RBPJ: variants seen among roughly 807,000 people sequenced by gnomAD.
RBPJ encodes recombination signal binding protein for immunoglobulin kappa J region, also known as recombining binding protein suppressor of hairless.
Under a neutral mutation model 67.8 loss-of-function variants are expected in RBPJ, and 9 were observed. That is an observed-to-expected ratio of 0.13 (90% CI 0.08 to 0.23). The LOEUF (loss-of-function observed/expected upper bound fraction) is 0.23. RBPJ is among the 10% of genes least tolerant of loss of function. The probability of loss-of-function intolerance (pLI) is 1.00; values close to 1 mark genes in which losing one functional copy is unlikely to be tolerated. For synonymous variants in RBPJ, 198 were observed against 203.3 expected, an observed-to-expected ratio of 0.97 and a Z score of 0.22; for missense variants, 305 against 595.6, an observed-to-expected ratio of 0.51 and a Z score of 5.08.
chr4:26,188,594 T>C (rs1214373201), intron 1 of RBPJ, among the ~76,000 whole-genome samples: 2 of 152,248 alleles, frequency 1.3e-5, no homozygotes, highest in South Asian at 2.1e-4. Context: ...TGCTTTTACC[T>C]TGTGGACCTT....
chr4:26,182,766 T>C (rs1300097163), intron 1 of RBPJ, among the ~76,000 whole-genome samples: 2 of 152,140 alleles, frequency 1.3e-5, no homozygotes, highest in Non-Finnish European at 2.9e-5. Context: ...CCCAAAGTAC[T>C]GCGATTACCG....
chr4:26,397,981 C>CA lies in RBPJ; in HGVS notation c.60-8189dup, dbSNP rs77056130. ...AGGCATGCTTAGCTCCTAGGGGGCACAAAAACAGGCTGCTTTGTGATTTGA... is the reference window on the plus strand; with the variant it reads ...AGGCATGCTTAGCTCCTAGGGGGCACAAAAAACAGGCTGCTTTGTGATTTGA... On this transcript the variant is annotated intron_variant, in intron 2 of 10. Coordinates refer to ENST00000355476, the MANE Select transcript of RBPJ (RefSeq NM_015874.6). 0.011 allele frequency among the ~76,000 whole-genome samples: 1,705 copies of CA among 152,144 alleles called. 48 individuals carry two copies. The highest frequency in any genetic ancestry group is 0.081 in the East Asian group (416 of 5,164).
the RBPJ span, among the ~76,000 whole-genome samples, chr4:26,152,059 T>G: frequency 6.6e-6 from 1 of 152,184 alleles, no homozygotes. Flanking sequence ...CATTCAAAAG[T>G]GCCTACGTTG....
intron 2 of RBPJ, among the ~76,000 whole-genome samples, chr4:26,394,893 A>G (rs905862200): frequency 6.6e-6 from 1 of 152,188 alleles, no homozygotes; most frequent in Non-Finnish European, 1.5e-5. Context: ...TTTTCTTCAT[A>G]AAAGTTTACC....
intron 1 of RBPJ, among the ~76,000 whole-genome samples, chr4:26,323,215 T>A (rs553796396): frequency 4.6e-5 from 7 of 152,234 alleles, no homozygotes; most frequent in South Asian, 4.1e-4. Context: ...AATAATCTTA[T>A]GTCTCCCTTA....
At chr4:26,345,361 A>T (rs184795566) in intron 1 of RBPJ, among the ~76,000 whole-genome samples, 3 of 152,346 alleles carry the variant, frequency 2.0e-5, no homozygotes, top group East Asian at 3.9e-4. Context: ...GGGATTTCCC[A>T]GTTGTCATAG....
chr4:26,156,978 G>GGT, the RBPJ span, among the ~76,000 whole-genome samples: 1 of 151,738 alleles, frequency 6.6e-6, no homozygotes, highest in Non-Finnish European at 1.5e-5. Flanking sequence ...AGGAGGCTGA[G>GGT]GTGAAAGGAT....
At chr4:26,211,821 G>T (rs1440820895) in intron 1 of RBPJ, among the ~76,000 whole-genome samples, 1 of 152,080 alleles carries the variant, frequency 6.6e-6, no homozygotes, top group African/African-American at 2.4e-5. Context: ...TTAGAAATAG[G>T]GTCATTATAG....
At chr4:26,339,415 C>G (rs1725255291) in intron 1 of RBPJ, among the ~76,000 whole-genome samples, 1 of 152,146 alleles carries the variant, frequency 6.6e-6, no homozygotes, top group East Asian at 1.9e-4. Context: ...GAGCTGATCA[C>G]TTGCGGTCAG....
chr4:26,263,821 C>G (rs765345581), intron 1 of RBPJ, among the ~76,000 whole-genome samples: 74 of 151,866 alleles, frequency 4.9e-4, no homozygotes, highest in Non-Finnish European at 9.9e-4. Flanking sequence ...CTGCCCACCT[C>G]AGTCTCCCAA....
the RBPJ span, among the ~76,000 whole-genome samples, chr4:26,116,470 A>G: frequency 6.6e-5 from 10 of 152,242 alleles, no homozygotes; most frequent in Admixed American, 6.5e-4. Context: ...GCTATTGCAG[A>G]AACCTTGACT....
chr4:26,361,012 G>A (rs1275584792), intron 1 of RBPJ, among the ~76,000 whole-genome samples: 2 of 150,598 alleles, frequency 1.3e-5, no homozygotes, highest in East Asian at 1.9e-4. Flanking sequence ...TGGAGGAGCA[G>A]AGTGTAGGAA....
chr4:26,366,892 G>A lies in RBPJ; in HGVS notation c.21-19461G>A, dbSNP rs1251414196. Among the ~76,000 whole-genome samples, 12 of 152,022 alleles carry A rather than the reference G, an allele frequency of 7.9e-5. No individual in the cohort carries two copies. The South Asian group carries it at 1.9e-3, about 24-fold the overall frequency. ...TGTAATCCCAGCACTTTGGGAGTCC[G>A]AGGCAGGTGGATCACAAGGTCACCA... On this transcript the variant is annotated intron_variant, in intron 1 of 10. Transcript: ENST00000355476.
rs1308346790 is a variant in RBPJ, at chr4:26,430,444, T to C, written c.1070T>C (p.Met357Thr). ...LQLNGGGDVA[M>T]LELTGQNFTP... is the part of the protein sequence containing the mutation. ...TTGAATGGCGGTGGGGACGTAGCAA[T>C]GCTTGAACTTACAGGACAGAATTTC... Residue 357 changes from methionine (M) to threonine (T), a missense_variant, in exon 10 of 11, where the codon ATG becomes ACG. Coordinates refer to ENST00000355476, the MANE Select transcript of RBPJ (RefSeq NM_015874.6). The surrounding 1 kb of genome is among the most constrained non-coding windows in gnomAD (Gnocchi z 4.1). The C allele has an allele frequency of 6.2e-7, 1 of 1,611,486 alleles. No homozygotes were observed.
chr4:26,316,534 T>TATATATATTCATGTATATATTC (rs71184302), upstream of RBPJ, among the ~76,000 whole-genome samples: 50,975 of 109,804 alleles, frequency 0.46, 13,886 homozygotes, highest in African/African-American at 0.58. Context: ...TATATATTCA[T>TATATATATTCATGTATATATTC]ATATATATTC....
chr4:26,217,167 A>G (rs984742314), intron 1 of RBPJ, among the ~76,000 whole-genome samples: 11 of 152,218 alleles, frequency 7.2e-5, no homozygotes, highest in African/African-American at 2.7e-4. Flanking sequence ...CAGAGATTTA[A>G]TTACTCACAT....
chr4:26,160,294 A>G (rs181861744), upstream of RBPJ, among the ~76,000 whole-genome samples: 1 of 152,354 alleles, frequency 6.6e-6, no homozygotes, highest in African/African-American at 2.4e-5. Flanking sequence ...CCTGAATTCA[A>G]TCACATGAAC....
upstream of RBPJ, among the ~76,000 whole-genome samples, chr4:26,159,878 AAGAG>A (rs761085849): frequency 6.6e-6 from 1 of 151,452 alleles, no homozygotes; most frequent in Admixed American, 6.6e-5. Context: ...AGGAAGCTGG[AAGAG>A]AGAGAGTCCA....
Position 26,216,026 on chromosome 4 carries a change from G to A in RBPJ, c.-167+52412G>A, listed in dbSNP as rs892534589. Among the ~76,000 whole-genome samples the A allele has an allele frequency of 1.1e-4, 16 of 152,082 alleles. 1 individual carries two copies. In the South Asian group the frequency reaches 2.1e-3, roughly 20 times the overall value. Reference sequence around the variant, plus strand: ...TGTCATCAGGGCCACCCTCCCTATCGCCAAAGACCCCGGGGGAAATTCAGT... The same window carrying A: ...TGTCATCAGGGCCACCCTCCCTATCACCAAAGACCCCGGGGGAAATTCAGT... On this transcript the variant is annotated intron_variant, in intron 1 of 4. Transcript: ENST00000512351.
Sources: allele counts gnomAD v4.1 joint callset (sites outside exome capture counted in the v4.1 genomes callset), GRCh38; gene constraint gnomAD v4.1.1; non-coding constraint Gnocchi (gnomAD v3.1); transcripts MANE v1.5; gene names NCBI Gene and HGNC (gene_info 2026-07-23, HGNC 2026-07-21).